TNIP3: variants seen among roughly 807,000 people sequenced by gnomAD.
TNIP3 encodes the protein TNFAIP3-interacting protein 3.
A neutral mutation model predicts 54.1 loss-of-function variants in TNIP3; 34 were observed. The ratio of observed to expected loss-of-function variants is 0.63; its 90% CI spans 0.48 to 0.84. TNIP3 has a LOEUF of 0.84. Among genes scored for constraint, TNIP3 ranks in the 40% least tolerant of loss-of-function variants. TNIP3 has a pLI of 0.00. For missense variants in TNIP3, 366 were observed against 387.6 expected, an observed-to-expected ratio of 0.94 and a Z score of 0.47; for synonymous variants, 134 against 136.8, an observed-to-expected ratio of 0.98 and a Z score of 0.14.
chr4:121,163,372 G>A (rs1401106675), intron 1 of TNIP3, among the ~76,000 whole-genome samples: 2 of 152,162 alleles, frequency 1.3e-5, no homozygotes, highest in Non-Finnish European at 2.9e-5. Context: ...GAAGGCATCT[G>A]ATTTGCAGTA....
At chr4:121,183,674 T>C (rs1258514143) in intron 2 of TNIP3, among the ~76,000 whole-genome samples, 1 of 152,058 alleles carries the variant, frequency 6.6e-6, no homozygotes, top group Non-Finnish European at 1.5e-5. Context: ...TAGATTCTCA[T>C]AGGAGCGCAA....
intron 3 of TNIP3, among the ~76,000 whole-genome samples, chr4:121,177,503 G>T (rs1369170716): frequency 6.6e-6 from 1 of 152,114 alleles, no homozygotes; most frequent in African/African-American, 2.4e-5. Flanking sequence ...TGAACAAAAA[G>T]GGAACTTGAC....
intron 3 of TNIP3, among the ~76,000 whole-genome samples, chr4:121,173,456 A>G (rs905653230): frequency 6.6e-6 from 1 of 152,184 alleles, no homozygotes; most frequent in Non-Finnish European, 1.5e-5. Flanking sequence ...TTCAAAAACT[A>G]TAGTGGTTAG....
At chr4:121,220,737 G>A (rs775765395), upstream of TNIP3, among the ~76,000 whole-genome samples, 11 of 152,162 alleles carry the variant, frequency 7.2e-5, no homozygotes, top group Non-Finnish European at 1.2e-4. Context: ...TTAACTTTTA[G>A]AGTCAGAAAT....
chr4:121,177,968 G>A (rs1724458834), intron 3 of TNIP3, among the ~76,000 whole-genome samples: 1 of 152,174 alleles, frequency 6.6e-6, no homozygotes, highest in South Asian at 2.1e-4. Context: ...GCTGTTCTAG[G>A]AGAATTTACC....
At chr4:121,213,595 C>T (rs529577280) in intron 2 of TNIP3, among the ~76,000 whole-genome samples, 16 of 151,586 alleles carry the variant, frequency 1.1e-4, no homozygotes, top group African/African-American at 2.2e-4. Context: ...GGCGTGGTGG[C>T]GGGCGCCTGT....
In TNIP3 at chr4:121,151,008, C is replaced by T. The variant is rs547426830; in HGVS notation, c.493-789G>A. On this transcript the variant is annotated intron_variant, in intron 5 of 10. Coordinates refer to ENST00000057513, the MANE Select transcript of TNIP3 (RefSeq NM_024873.6). ...CACCAGAACGATTATCATCTTTAGT[C>T]ATTAGCTCATGATGGGCATATCATT... Among the ~76,000 whole-genome samples, 5 of 152,288 alleles carry T rather than the reference C, an allele frequency of 3.3e-5. No individual in the cohort carries two copies. In the South Asian group the frequency reaches 1.0e-3, roughly 32 times the overall value.
rs1726193164 is a variant in TNIP3, at chr4:121,206,418, T to C, written c.68+9997A>G. ...TTAAATTTGATGATAATCAACTTGT[T>C]CCTTAAAAATAATCTGTAAATTATT... On this transcript the variant is annotated intron_variant, in intron 2 of 12. Coordinates refer to the TNIP3 transcript ENST00000507879. Among the ~76,000 whole-genome samples, 5 of 152,220 alleles carry C rather than the reference T, an allele frequency of 3.3e-5. No homozygotes were observed. The South Asian group carries it at 1.0e-3, about 31-fold the overall frequency.
rs1730424577 is a variant in TNIP3, at chr4:121,161,145, T to C, written c.138A>G (p.Gln46=). The change falls in exon 2 of 11, where the codon CAA becomes CAG. Residue 46 remains glutamine, a synonymous_variant. Coordinates refer to ENST00000057513, the MANE Select transcript of TNIP3 (RefSeq NM_024873.6). ...AATATTTCTAAGTTACCTCTTTTCT[T>C]TGTTTTTCCAAACACCTTATCTTTT... ...LEQKIRCLEK[Q]RKELLEVNQQ... is the part of the protein sequence containing the mutation. 1 of 1,583,452 alleles carries C rather than the reference T, an allele frequency of 6.3e-7. No individual in the cohort carries two copies. The highest frequency in any genetic ancestry group is 8.6e-7 in the Non-Finnish European group (1 of 1,160,938).
rs1725107714 is a variant in TNIP3 at position 121,187,913 on chromosome 4, G to C, written c.69-5117C>G. On this transcript the variant is annotated intron_variant, in intron 2 of 12. Coordinates refer to the TNIP3 transcript ENST00000507879. ...CATGTGACTACTTTTTTTGGTCTAA[G>C]AGTACACTTTTACTATGTTTTCTTT... Among the ~76,000 whole-genome samples the C allele has an allele frequency of 2.0e-5, 3 of 152,096 alleles. No homozygotes were observed. The South Asian group carries it at 6.2e-4, about 32-fold the overall frequency.
At chr4:121,177,979 C>T (rs1377579787) in intron 3 of TNIP3, among the ~76,000 whole-genome samples, 3 of 152,032 alleles carry the variant, frequency 2.0e-5, no homozygotes, top group Non-Finnish European at 4.4e-5. Context: ...AGAATTTACC[C>T]GGGGGAGAGA....
chr4:121,156,586 A>G (rs1730099977), intron 4 of TNIP3, among the ~76,000 whole-genome samples: 1 of 152,224 alleles, frequency 6.6e-6, no homozygotes, highest in Non-Finnish European at 1.5e-5. Flanking sequence ...AGAATGTTAA[A>G]TGAGATAATG....
Position 121,157,194 on chromosome 4 carries a change from G to A in TNIP3, c.263C>T (p.Thr88Met). The change falls in exon 4 of 11, where the codon ACG becomes ATG. Residue 88 changes from threonine (T) to methionine (M), a missense_variant. Transcript: ENST00000057513. ...KLDAAERFLS[T>M]REKDPHQRQR... ...CCTCTGATGCGGATCCTTCTCCCGC[G>A]TGCTGAGGAATCTTTCCGCGGCGTC... The A allele has an allele frequency of 6.2e-7, 1 of 1,613,858 alleles. No homozygotes were observed. Among genetic ancestry groups the A allele is most frequent in the Non-Finnish European group, 8.5e-7 (1 of 1,179,840 alleles).
At chr4:121,144,152 T>C (rs1158309024) in intron 7 of TNIP3, among the ~76,000 whole-genome samples, 1 of 152,216 alleles carries the variant, frequency 6.6e-6, no homozygotes, top group Admixed American at 6.5e-5. Flanking sequence ...AGACTGTACA[T>C]GTCTCTTTTA....
intron 2 of TNIP3, among the ~76,000 whole-genome samples, chr4:121,185,759 C>T (rs1724977515): frequency 6.6e-6 from 1 of 152,230 alleles, no homozygotes; most frequent in Non-Finnish European, 1.5e-5. Context: ...GCAGCAGCTT[C>T]AGAATGGACA....
At chr4:121,216,093 G>A (rs772244775) in intron 2 of TNIP3, among the ~76,000 whole-genome samples, 2 of 152,058 alleles carry the variant, frequency 1.3e-5, no homozygotes, top group African/African-American at 2.4e-5. Context: ...GTGGAATACA[G>A]TTGTTTCCTA....
At chr4:121,187,198 CA>C (rs1283908690) in intron 2 of TNIP3, among the ~76,000 whole-genome samples, 1 of 151,642 alleles carries the variant, frequency 6.6e-6, no homozygotes, top group African/African-American at 2.4e-5. Flanking sequence ...AACAAACAAA[CA>C]AAAAAAACAC....
chr4:121,147,981 T>G (rs764519008), intron 6 of TNIP3, among the ~76,000 whole-genome samples: 1 of 152,254 alleles, frequency 6.6e-6, no homozygotes, highest in African/African-American at 2.4e-5. Flanking sequence ...ATTACATTTT[T>G]AAGGCTTTAT....
chr4:121,223,180 G>A (rs1727114097), intron 1 of TNIP3, among the ~76,000 whole-genome samples: 1 of 152,172 alleles, frequency 6.6e-6, no homozygotes, highest in South Asian at 2.1e-4. Flanking sequence ...TTACAGGTGT[G>A]CCAGCCTTGG....
Sources: allele counts gnomAD v4.1 joint callset (sites outside exome capture counted in the v4.1 genomes callset), GRCh38; gene constraint gnomAD v4.1.1; transcripts MANE v1.5; gene names NCBI Gene and HGNC (gene_info 2026-07-23, HGNC 2026-07-21).